The following CLIP2 variants were observed in gnomAD, a reference collection of about 807,000 sequenced individuals.
CLIP2 encodes CAP-Gly domain containing linker protein 2, also known as CAP-Gly domain-containing linker protein 2.
In CLIP2, 41 loss-of-function variants were observed where a neutral mutation model predicts 111.7. The observed-to-expected ratio is 0.37, with a 90% CI of 0.29 to 0.48. CLIP2 has a LOEUF of 0.48. Among genes scored for constraint, CLIP2 ranks in the 20% least tolerant of loss-of-function variants. The pLI is 0.99. For synonymous variants in CLIP2, 660 were observed against 644.2 expected (o/e 1.02, Z -0.37); for missense variants, 1,160 against 1,422.1 (o/e 0.82, Z 2.96).
rs762859233 is a variant in CLIP2 at position 74,376,103 on chromosome 7, G to A, written c.1702G>A (p.Glu568Lys). 43 of 1,611,324 alleles carry A rather than the reference G, an allele frequency of 2.7e-5. No homozygotes were observed. Among genetic ancestry groups the A allele is most frequent in the East Asian group, 1.3e-4 (6 of 44,838 alleles). Reference protein sequence around the residue: ...RESGVLRDKYEKALKAYQAEV... With the variant: ...RESGVLRDKYKKALKAYQAEV... ...GAGTGGGGTGCTGCGGGATAAATAC[G>A]AGAAGGCCCTGAAGGCCTACCAGGC... Residue 568 changes from glutamate to lysine, a missense_variant, in exon 10 of 17, where the codon GAG becomes AAG. Glu to Lys is a moderately conservative substitution (Grantham distance 56). This residue lies in a region of CLIP2 where 676 missense variants were observed against 777.8 expected (regional missense o/e 0.87). Coordinates refer to ENST00000223398, the MANE Select transcript of CLIP2 (RefSeq NM_003388.5). This position sits in a 1 kb window ranked among gnomAD's most constrained non-coding sequence, Gnocchi z 7.1.
Position 74,338,432 on chromosome 7 carries a change from C to G in CLIP2, c.122-16C>G. On this transcript the variant is annotated splice_polypyrimidine_tract_variant and intron_variant, in intron 2 of 16. Coordinates refer to ENST00000223398, the MANE Select transcript of CLIP2 (RefSeq NM_003388.5). The surrounding 1 kb of genome is among the most constrained non-coding windows in gnomAD (Gnocchi z 4.3). ...CTAACAGCCACCTCTTTCCCTTTCC[C>G]TCTCCTTCTCTGCAGGCTCCCCACT... 6.2e-7 allele frequency: 1 copy of G among 1,610,456 alleles called. No homozygotes were observed. The highest frequency in any genetic ancestry group is 8.5e-7 in the Non-Finnish European group (1 of 1,178,996).
intron 12 of CLIP2, among the ~76,000 whole-genome samples, chr7:74,387,047 C>A (rs1301956116): frequency 4.0e-5 from 6 of 149,910 alleles, no homozygotes; most frequent in South Asian, 2.1e-4. Context: ...AAAAAAGGGC[C>A]AGGGCCAGGT....
At chr7:74,317,702 C>T in intron 2 of CLIP2, 35 bp downstream of exon 2, 1 of 1,403,666 alleles carries the variant, frequency 7.1e-7, no homozygotes. Context: ...GGTGAGGGGA[C>T]TGGCTACATG....
chr7:74,385,122 C>CAAAAA (rs71094780), intron 11 of CLIP2, among the ~76,000 whole-genome samples: 3 of 51,610 alleles, frequency 5.8e-5, no homozygotes, highest in Non-Finnish European at 7.4e-5. Flanking sequence ...ATTAAAAATA[C>CAAAAA]AAAAAAAAAA....
intron 13 of CLIP2, 55 bp downstream of exon 13, chr7:74,389,314 T>A (rs35415684): frequency 0.66 from 964,709 of 1,468,608 alleles, 318,880 homozygotes; most frequent in African/African-American, 0.71. Context: ...CCCTTGCTCC[T>A]CTTCTTGACA....
intron 2 of CLIP2, among the ~76,000 whole-genome samples, chr7:74,318,683 A>T (rs569663048): frequency 6.6e-6 from 1 of 152,328 alleles, no homozygotes; most frequent in East Asian, 1.9e-4. Flanking sequence ...ACTGCACTCC[A>T]GCCTGGGCTA....
intron 1 of CLIP2, among the ~76,000 whole-genome samples, chr7:74,293,055 C>T (rs1047511897): frequency 1.3e-5 from 2 of 152,202 alleles, no homozygotes; most frequent in Admixed American, 1.3e-4. Flanking sequence ...TCACCTAAGG[C>T]TGACGTGGCC....
rs1554312714 is a variant in CLIP2 at position 74,375,997 on chromosome 7, A to G, written c.1596A>G (p.Pro532=). 6.2e-7 allele frequency: 1 copy of G among 1,611,708 alleles called. No individual in the cohort carries two copies. The highest frequency in any genetic ancestry group is 1.3e-5 in the African/African-American group (1 of 74,878). ...AGTGCCTGTTGCACTCGGGTCCCCC[A>G]CCTCCGGACCACCCAGACGCCGCCG... is the stretch of plus-strand genomic sequence containing the variant. ...LQQCLLHSGP[P]PPDHPDAAEI... is the part of the protein sequence containing the mutation. Residue 532 remains proline (P), a synonymous_variant, in exon 10 of 17, where the codon CCA becomes CCG. Coordinates refer to ENST00000223398, the MANE Select transcript of CLIP2 (RefSeq NM_003388.5).
chr7:74,375,730 C>A (rs546860833), intron 9 of CLIP2, among the ~76,000 whole-genome samples, 157 bp from the exon 10 acceptor site: 20 of 151,908 alleles, frequency 1.3e-4, no homozygotes, highest in Admixed American at 1.3e-3. Context: ...AGCCAGCACT[C>A]AGGAGGGAGT....
At chr7:74,317,808 C>T (rs1164129463) in intron 2 of CLIP2, 141 bp downstream of exon 2, 5 of 1,097,466 alleles carry the variant, frequency 4.6e-6, no homozygotes, top group South Asian at 6.2e-5. Context: ...TGTAATGGGG[C>T]CTGATCAACA....
chr7:74,392,332 C>CA (rs1554315992), intron 13 of CLIP2, among the ~76,000 whole-genome samples: 2 of 136,706 alleles, frequency 1.5e-5, no homozygotes, highest in East Asian at 2.2e-4. Context: ...GCCTGGGCGA[C>CA]AGAGTGAGAC....
chr7:74,327,083 GAAAGTTTGGCAGTTCTTC>G (rs1789133293), intron 2 of CLIP2, among the ~76,000 whole-genome samples: 1 of 151,970 alleles, frequency 6.6e-6, no homozygotes, highest in South Asian at 2.1e-4. Context: ...GCTGCTTCAG[GAAAGTTTGGCAGTTCTTC>G]AAAGTTTGTT....
At chr7:74,295,580 C>T (rs565009045) in intron 1 of CLIP2, among the ~76,000 whole-genome samples, 4 of 152,168 alleles carry the variant, frequency 2.6e-5, no homozygotes, top group South Asian at 2.1e-4. Flanking sequence ...TCATGTTCAG[C>T]TTCTTTGGAG....
At chr7:74,323,142 G>A (rs1789008938) in intron 2 of CLIP2, among the ~76,000 whole-genome samples, 4 of 150,208 alleles carry the variant, frequency 2.7e-5, no homozygotes, top group South Asian at 4.2e-4. Flanking sequence ...ATAGGGTCTC[G>A]TTCTGTTGCC....
At chr7:74,350,375 T>A (rs1789948097) in intron 3 of CLIP2, among the ~76,000 whole-genome samples, 1 of 151,970 alleles carries the variant, frequency 6.6e-6, no homozygotes, top group African/African-American at 2.4e-5. Flanking sequence ...TTTATTGTTG[T>A]ATTTTATTTT....
chr7:74,393,425 C>G (rs1371880217), intron 13 of CLIP2, among the ~76,000 whole-genome samples: 1 of 151,690 alleles, frequency 6.6e-6, no homozygotes, highest in Non-Finnish European at 1.5e-5. Context: ...CAACCTCCAC[C>G]TCCTAGGTTC....
chr7:74,366,654 A>G (rs1437267563), intron 8 of CLIP2, among the ~76,000 whole-genome samples: 1 of 152,184 alleles, frequency 6.6e-6, no homozygotes, highest in African/African-American at 2.4e-5. Flanking sequence ...AAAGCGGCGG[A>G]TCACTTGAGG....
chr7:74,357,492 G>A lies in CLIP2; in HGVS notation c.1215+15G>A, dbSNP rs782061793. ...AGCATGAGCAGGTGAGTGGCAGGTG[G>A]GGCTGGGGGCAGAGCTTCTCCAGCC... On this transcript the variant is annotated intron_variant, in intron 6 of 16. Transcript: ENST00000223398. The A allele has an allele frequency of 1.0e-5, 16 of 1,603,040 alleles. No homozygotes were observed. Among genetic ancestry groups the A allele is most frequent in the Non-Finnish European group, 1.4e-5 (16 of 1,175,146 alleles).
chr7:74,343,352 AG>A (rs1339975295), intron 3 of CLIP2, among the ~76,000 whole-genome samples: 2 of 152,028 alleles, frequency 1.3e-5, no homozygotes, highest in Non-Finnish European at 2.9e-5. Flanking sequence ...CCCATCCAAC[AG>A]GACCTGGGCA....
Sources: gnomAD v4.1 joint callset for allele counts (sites outside exome capture counted in the v4.1 genomes callset) on GRCh38, gnomAD v4.1.1 for gene constraint, gnomAD v4.1.1 regional missense constraint, Gnocchi (gnomAD v3.1) non-coding constraint, MANE v1.5 for transcripts, NCBI Gene and HGNC (gene_info 2026-07-23, HGNC 2026-07-21) for gene names.